ELMO1: variants seen among roughly 807,000 people sequenced by gnomAD.
ELMO1 encodes the protein engulfment and cell motility protein 1.
A neutral mutation model predicts 98.9 loss-of-function variants in ELMO1; 26 were observed. The ratio of observed to expected loss-of-function variants is 0.26; its 90% CI spans 0.19 to 0.36. The LOEUF (loss-of-function observed/expected upper bound fraction) is 0.36. ELMO1 is among the 10% of genes least tolerant of loss of function. The pLI is 1.00. For synonymous variants in ELMO1, 346 were observed against 346.0 expected, an observed-to-expected ratio of 1.00 and a Z score of 0.00; for missense variants, 627 against 935.2, an observed-to-expected ratio of 0.67 and a Z score of 4.30.
chr7:37,092,364 T>C (rs1216253204), intron 15 of ELMO1, among the ~76,000 whole-genome samples: 2 of 138,554 alleles, frequency 1.4e-5, no homozygotes, highest in African/African-American at 5.9e-5. Flanking sequence ...ATTACCCATA[T>C]TCTTTTTTTT....
At chr7:37,125,968 T>TA (rs898385344) in intron 14 of ELMO1, among the ~76,000 whole-genome samples, 11 of 152,222 alleles carry the variant, frequency 7.2e-5, no homozygotes, top group African/African-American at 2.4e-4. Context: ...TATGCAGCCA[T>TA]AAAAAATGAT....
intron 1 of ELMO1, among the ~76,000 whole-genome samples, chr7:37,360,603 A>T (rs1244185863): frequency 1.3e-5 from 2 of 152,166 alleles, no homozygotes; most frequent in East Asian, 3.8e-4. Flanking sequence ...ACCCAGGAAG[A>T]GCTAAAGTGG....
chr7:37,195,375 GTC>G (rs1215777519), intron 13 of ELMO1, among the ~76,000 whole-genome samples: 2 of 152,196 alleles, frequency 1.3e-5, no homozygotes, highest in Non-Finnish European at 2.9e-5. Flanking sequence ...CAACACATTA[GTC>G]TCTTATTTTT....
intron 4 of ELMO1, among the ~76,000 whole-genome samples, chr7:37,307,035 T>C (rs934675603): frequency 6.6e-6 from 1 of 152,214 alleles, no homozygotes; most frequent in Non-Finnish European, 1.5e-5. Context: ...TTGAAAACTC[T>C]ATGGAGACAA....
At chr7:36,878,981 C>A (rs148659843) in intron 18 of ELMO1, among the ~76,000 whole-genome samples, 2 of 152,328 alleles carry the variant, frequency 1.3e-5, no homozygotes, top group African/African-American at 4.8e-5. Context: ...CGAAGGGCCT[C>A]TCCCCATCCT....
intron 17 of ELMO1, among the ~76,000 whole-genome samples, chr7:36,893,251 G>C (rs761917358): frequency 3.3e-5 from 5 of 152,190 alleles, no homozygotes; most frequent in Non-Finnish European, 5.9e-5. Flanking sequence ...TGTAGGCCCT[G>C]GGATGGGGCA....
chr7:37,393,796 C>T (rs1472441249), intron 1 of ELMO1: 9 of 152,128 alleles, frequency 5.9e-5, no homozygotes, highest in African/African-American at 1.7e-4. Context: ...GCTCAGATCC[C>T]CACAAGCCCA....
intron 4 of ELMO1, among the ~76,000 whole-genome samples, chr7:37,312,835 T>C (rs1218987374): frequency 6.6e-6 from 1 of 152,210 alleles, no homozygotes. Flanking sequence ...GTAATCTACA[T>C]GTATTATACA....
At chr7:37,022,229 T>C (rs1051702969) in intron 15 of ELMO1, among the ~76,000 whole-genome samples, 1 of 152,234 alleles carries the variant, frequency 6.6e-6, no homozygotes, top group African/African-American at 2.4e-5. Flanking sequence ...TCATTAATCA[T>C]AAGAAAACTG....
In ELMO1 at chr7:36,862,664, A is replaced by T. The variant is rs150992795; in HGVS notation, c.1906-928T>A. On this transcript the variant is annotated intron_variant, in intron 20 of 21. Coordinates refer to ENST00000310758, the MANE Select transcript of ELMO1 (RefSeq NM_014800.11). ...GAGGACTCCTAGTCTGGAAGAGAAGAGCCAAGTGTATCCAAACCAACGCTC... is the reference window on the plus strand; with the variant it reads ...GAGGACTCCTAGTCTGGAAGAGAAGTGCCAAGTGTATCCAAACCAACGCTC... Among the ~76,000 whole-genome samples, 16 of 151,160 alleles carry T rather than the reference A, an allele frequency of 1.1e-4. No homozygotes were observed. The East Asian group carries it at 3.2e-3, about 30-fold the overall frequency.
chr7:37,320,598 T>A (rs1367938735), intron 2 of ELMO1, among the ~76,000 whole-genome samples: 1 of 152,170 alleles, frequency 6.6e-6, no homozygotes, highest in Non-Finnish European at 1.5e-5. Flanking sequence ...TTACTCCCTC[T>A]GTGTACTTAG....
intron 1 of ELMO1, among the ~76,000 whole-genome samples, chr7:37,395,315 C>T (rs10243379): frequency 0.5 from 72,030 of 145,020 alleles, 19,123 homozygotes; most frequent in Non-Finnish European, 0.6. Context: ...TGCAATGAGC[C>T]GAGAACACAC....
chr7:37,091,405 C>A (rs1784084791), intron 15 of ELMO1, among the ~76,000 whole-genome samples: 1 of 152,100 alleles, frequency 6.6e-6, no homozygotes, highest in South Asian at 2.1e-4. Context: ...CCATGCCCAG[C>A]CAATAATTTA....
Position 37,315,905 on chromosome 7 carries a change from C to T in ELMO1, c.119+15G>A. On this transcript the variant is annotated intron_variant, in intron 3 of 21. Transcript: ENST00000310758. ...TCAACTAGAATGCCTTAGATAAATC[C>T]TGAGTAACACTTACCCATCACAGAC... The T allele has an allele frequency of 1.3e-6, 2 of 1,592,426 alleles. No homozygotes were observed. The highest frequency in any genetic ancestry group is 1.4e-5 in the African/African-American group (1 of 73,970).
intron 14 of ELMO1, among the ~76,000 whole-genome samples, chr7:37,117,550 C>A (rs1237468768): frequency 1.3e-5 from 2 of 152,220 alleles, no homozygotes; most frequent in African/African-American, 2.4e-5. Context: ...CTTTGGAAGT[C>A]AGAAATTCTT....
At chr7:37,171,186 G>A (rs13244156) in intron 13 of ELMO1, among the ~76,000 whole-genome samples, 2,351 of 151,962 alleles carry the variant, frequency 0.015, 33 homozygotes, top group Middle Eastern at 0.041. Context: ...CCTATATATC[G>A]TTAAGTCCAG....
At chr7:37,235,058 C>T (rs954362867) in intron 7 of ELMO1, among the ~76,000 whole-genome samples, 1 of 152,126 alleles carries the variant, frequency 6.6e-6, no homozygotes, top group African/African-American at 2.4e-5. Flanking sequence ...AGGATCATGC[C>T]TCAAAAAGAA....
Position 37,344,941 on chromosome 7 carries a change from G to T in ELMO1, c.-73-2178C>A, listed in dbSNP as rs1044902726. 2.0e-5 allele frequency among the ~76,000 whole-genome samples: 3 copies of T among 152,296 alleles called. No homozygotes were observed. In the Middle Eastern group the frequency reaches 0.01, roughly 518 times the overall value. On this transcript the variant is annotated intron_variant, in intron 1 of 21. Transcript: ENST00000310758. Reference sequence around the variant, plus strand: ...TTGGTCCTTTACCAGACCAGAGTAGGCCTTGTGAGTTACTATCCCAGATCT... The same window carrying T: ...TTGGTCCTTTACCAGACCAGAGTAGTCCTTGTGAGTTACTATCCCAGATCT...
intron 4 of ELMO1, among the ~76,000 whole-genome samples, chr7:37,300,664 G>A (rs1463901861): frequency 3.4e-5 from 4 of 118,866 alleles, no homozygotes; most frequent in African/African-American, 9.4e-5. Context: ...TGCTGGATTC[G>A]GTTTGCCAGT....
Sources: gnomAD v4.1 joint callset for allele counts (sites outside exome capture counted in the v4.1 genomes callset) on GRCh38, gnomAD v4.1.1 for gene constraint, MANE v1.5 for transcripts, NCBI Gene and HGNC (gene_info 2026-07-23, HGNC 2026-07-21) for gene names.